KCNIP4: variants seen among roughly 807,000 people sequenced by gnomAD.
KCNIP4 encodes the protein Kv channel-interacting protein 4.
KCNIP4 carries 12 observed loss-of-function variants against 34.0 expected under a neutral mutation model. That is an observed-to-expected ratio of 0.35 (90% CI 0.23 to 0.57). The LOEUF is 0.57. Among genes scored for constraint, KCNIP4 ranks in the 20% least tolerant of loss-of-function variants. The pLI, the probability that KCNIP4 is intolerant of heterozygous loss-of-function variation, is 0.83. For missense variants in KCNIP4, 238 were observed against 311.7 expected, an observed-to-expected ratio of 0.76 and a Z score of 1.78; for synonymous variants, 124 against 102.2, an observed-to-expected ratio of 1.21 and a Z score of -1.29.
intron 1 of KCNIP4, among the ~76,000 whole-genome samples, chr4:21,226,328 G>A (rs1392784237): frequency 2.1e-5 from 3 of 145,194 alleles, no homozygotes; most frequent in Non-Finnish European, 4.5e-5. Flanking sequence ...AAAGGGAAGG[G>A]AAGGAAGGGA....
intron 1 of KCNIP4, among the ~76,000 whole-genome samples, chr4:21,496,697 A>G (rs12648670): frequency 0.057 from 8,711 of 152,238 alleles, 622 homozygotes; most frequent in African/African-American, 0.16. Context: ...CTGCACAGCC[A>G]GAGGTGAGCG....
intron 3 of KCNIP4, among the ~76,000 whole-genome samples, chr4:20,793,985 C>T (rs926006462): frequency 2.6e-5 from 4 of 152,218 alleles, no homozygotes; most frequent in African/African-American, 7.2e-5. Context: ...ATGTTGTTCT[C>T]ATAATAGTGA....
intron 1 of KCNIP4, among the ~76,000 whole-genome samples, chr4:21,385,651 G>A (rs1235945089): frequency 6.6e-6 from 1 of 152,096 alleles, no homozygotes; most frequent in East Asian, 1.9e-4. Context: ...AGCCACATAA[G>A]GAATAGTAAA....
At chr4:20,871,401 C>T (rs773503380) in intron 2 of KCNIP4, among the ~76,000 whole-genome samples, 8 of 151,400 alleles carry the variant, frequency 5.3e-5, no homozygotes, top group Admixed American at 6.6e-5. Flanking sequence ...ATCACTAAGG[C>T]GGTATACATT....
At chr4:20,908,674 T>A (rs11941307) in intron 1 of KCNIP4, among the ~76,000 whole-genome samples, 1 of 152,162 alleles carries the variant, frequency 6.6e-6, no homozygotes, top group East Asian at 1.9e-4. Flanking sequence ...CTCAGTGATG[T>A]TTCCCCTGAT....
At chr4:21,581,110 G>A (rs923112998) in intron 1 of KCNIP4, among the ~76,000 whole-genome samples, 1 of 151,948 alleles carries the variant, frequency 6.6e-6, no homozygotes, top group African/African-American at 2.4e-5. Flanking sequence ...ATTTCTGAAA[G>A]GTTTAGGTGA....
At chr4:21,595,610 G>T in intron 1 of KCNIP4, among the ~76,000 whole-genome samples, 1 of 152,026 alleles carries the variant, frequency 6.6e-6, no homozygotes, top group East Asian at 1.9e-4. Flanking sequence ...CCTACCAACA[G>T]TGTAAGAGCA....
chr4:21,247,849 GAT>G (rs370852203), intron 1 of KCNIP4, among the ~76,000 whole-genome samples: 22 of 101,468 alleles, frequency 2.2e-4, no homozygotes, highest in South Asian at 6.3e-4. Flanking sequence ...CACAGGTGGA[GAT>G]ATATATATAT....
chr4:21,234,921 TA>T (rs1335928166), intron 1 of KCNIP4, among the ~76,000 whole-genome samples: 1 of 152,024 alleles, frequency 6.6e-6, no homozygotes, highest in East Asian at 1.9e-4. Context: ...GTGTTGGGAT[TA>T]TAGGCATACG....
chr4:20,858,242 A>AAG (rs1721823865), intron 2 of KCNIP4, among the ~76,000 whole-genome samples: 1 of 140,860 alleles, frequency 7.1e-6, no homozygotes, highest in African/African-American at 2.7e-5. Context: ...AAAAAAAAAA[A>AAG]GAGGAAGACA....
intron 1 of KCNIP4, among the ~76,000 whole-genome samples, chr4:21,718,009 A>C (rs1389177555): frequency 1.3e-5 from 2 of 152,188 alleles, no homozygotes; most frequent in Non-Finnish European, 2.9e-5. Context: ...AACATGAAAA[A>C]GTAAGAGAAA....
At chr4:21,870,481 AT>A (rs1343661420) in intron 1 of KCNIP4, among the ~76,000 whole-genome samples, 3 of 152,200 alleles carry the variant, frequency 2.0e-5, no homozygotes, top group African/African-American at 7.2e-5. Context: ...TATGCTACTG[AT>A]ACATGTGATG....
At chr4:21,882,421 G>T (rs1321349387) in intron 1 of KCNIP4, among the ~76,000 whole-genome samples, 1 of 152,098 alleles carries the variant, frequency 6.6e-6, no homozygotes, top group East Asian at 1.9e-4. Flanking sequence ...AAAACATGAA[G>T]AGTTTTTCAA....
chr4:21,669,702 C>T (rs1041212701), intron 1 of KCNIP4, among the ~76,000 whole-genome samples: 2 of 152,128 alleles, frequency 1.3e-5, no homozygotes, highest in Admixed American at 1.3e-4. Flanking sequence ...AACTGAGGCA[C>T]AAAGATGCCC....
At chr4:21,148,408 G>T (rs1426833416) in intron 1 of KCNIP4, among the ~76,000 whole-genome samples, 1 of 152,058 alleles carries the variant, frequency 6.6e-6, no homozygotes, top group East Asian at 1.9e-4. Context: ...AACCATATTT[G>T]GGTGACTAAA....
At chr4:21,899,435 A>G (rs1727582963) in intron 1 of KCNIP4, among the ~76,000 whole-genome samples, 1 of 152,166 alleles carries the variant, frequency 6.6e-6, no homozygotes, top group South Asian at 2.1e-4. Context: ...AGTCCTAGGT[A>G]GAGCAATTAG....
chr4:21,328,405 C>G (rs994586686), intron 1 of KCNIP4, among the ~76,000 whole-genome samples: 1 of 152,178 alleles, frequency 6.6e-6, no homozygotes, highest in Non-Finnish European at 1.5e-5. Context: ...CTTCCCTCAA[C>G]TTTCTCTGAA....
At chr4:21,201,528 G>C (rs574146257) in intron 1 of KCNIP4, among the ~76,000 whole-genome samples, 4 of 152,002 alleles carry the variant, frequency 2.6e-5, no homozygotes, top group Non-Finnish European at 5.9e-5. Context: ...ATGGACTCTC[G>C]CTCTCTGTTG....
chr4:21,131,224 A>G (rs1221516677), intron 1 of KCNIP4, among the ~76,000 whole-genome samples: 1 of 152,248 alleles, frequency 6.6e-6, no homozygotes, highest in Non-Finnish European at 1.5e-5. Context: ...CCATGTAGCA[A>G]CAAGAATCCT....
Sources: allele counts gnomAD v4.1 joint callset (sites outside exome capture counted in the v4.1 genomes callset), GRCh38; gene constraint gnomAD v4.1.1; transcripts MANE v1.5; gene names NCBI Gene and HGNC (gene_info 2026-07-23, HGNC 2026-07-21).